ELK3: variants seen among roughly 807,000 people sequenced by gnomAD.
ELK3 encodes ETS transcription factor ELK3.
Under a neutral mutation model 28.9 loss-of-function variants are expected in ELK3, and 10 were observed. The ratio of observed to expected loss-of-function variants is 0.35; its 90% CI spans 0.21 to 0.59. The LOEUF is 0.59. Among genes scored for constraint, ELK3 ranks in the 20% least tolerant of loss-of-function variants. The pLI, the probability that ELK3 is intolerant of heterozygous loss-of-function variation, is 0.82. For synonymous variants in ELK3, 272 were observed against 243.5 expected (o/e 1.12, Z -1.09); for missense variants, 463 against 517.3 (o/e 0.90, Z 1.02).
At position 96,247,868 on chromosome 12, in the gene ELK3, G is replaced by A; in HGVS notation, c.1002+134G>A. 4 of 1,162,194 alleles carry A rather than the reference G, an allele frequency of 3.4e-6. No individual in the cohort carries two copies. Among genetic ancestry groups the A allele is most frequent in the Non-Finnish European group, 4.7e-6 (4 of 858,048 alleles). The allele number at this position is 1,162,194 out of a possible 1,614,324, so 72.0% of individuals were successfully genotyped here. A position where few individuals can be genotyped will look rare whatever the true frequency, so the allele number is the denominator to read the frequency against. On this transcript the variant is annotated intron_variant, in intron 3 of 4. Coordinates refer to ENST00000228741, the MANE Select transcript of ELK3 (RefSeq NM_005230.4). This position sits in a 1 kb window ranked among gnomAD's most constrained non-coding sequence, Gnocchi z 5.5. ...CTCGTACCGAGGTCACTGTGTAAAT[G>A]TGAAGGGAAGCTGCTTTTCCATCCT...
intron 1 of ELK3, among the ~76,000 whole-genome samples, chr12:96,219,780 A>C (rs780817310): frequency 1.3e-5 from 2 of 152,164 alleles, no homozygotes; most frequent in Non-Finnish European, 2.9e-5. Flanking sequence ...GCTCACAGGA[A>C]AGTAGTTTTT....
intron 2 of ELK3, among the ~76,000 whole-genome samples, chr12:96,234,428 GA>G (rs1442374093): frequency 6.6e-6 from 1 of 152,110 alleles, no homozygotes; most frequent in Non-Finnish European, 1.5e-5. Context: ...TGAGCTGCAG[GA>G]AAATTTAGTG....
chr12:96,235,118 C>G (rs1951771908), intron 2 of ELK3, among the ~76,000 whole-genome samples: 3 of 152,088 alleles, frequency 2.0e-5, no homozygotes, highest in Admixed American at 1.3e-4. Flanking sequence ...GTGTGCGCCT[C>G]CCAGCTCTCG....
chr12:96,215,336 C>T (rs1429220265), intron 1 of ELK3, among the ~76,000 whole-genome samples: 1 of 152,122 alleles, frequency 6.6e-6, no homozygotes, highest in African/African-American at 2.4e-5. Context: ...GTCTGTGCGG[C>T]CCTTGCTCAC....
intron 3 of ELK3, among the ~76,000 whole-genome samples, chr12:96,248,867 T>C (rs1951880058): frequency 2.0e-5 from 3 of 152,226 alleles, no homozygotes; most frequent in South Asian, 2.1e-4. Context: ...GTTTCCAAAA[T>C]GCTTGTGACC....
At chr12:96,197,683 T>C (rs1405774568) in intron 1 of ELK3, among the ~76,000 whole-genome samples, 1 of 152,192 alleles carries the variant, frequency 6.6e-6, no homozygotes, top group African/African-American at 2.4e-5. Context: ...ACCAATGCTG[T>C]TGAGACCAGA....
chr12:96,240,590 C>T (rs1211014123), intron 2 of ELK3, among the ~76,000 whole-genome samples: 1 of 152,176 alleles, frequency 6.6e-6, no homozygotes, highest in African/African-American at 2.4e-5. Context: ...GAAAGGTCCC[C>T]TGCTCTGTCC....
In ELK3 at chr12:96,242,720, C is replaced by T. The variant is rs139768455; in HGVS notation, c.208-4220C>T. On this transcript the variant is annotated intron_variant, in intron 2 of 4. Coordinates refer to ENST00000228741, the MANE Select transcript of ELK3 (RefSeq NM_005230.4). ...GCTCCCCTCGTCTAGCAGATGTCCC[C>T]GGTGCTGAGTCACTGGGCTGCACTG... is the stretch of plus-strand genomic sequence containing the variant. Among the ~76,000 whole-genome samples the T allele has an allele frequency of 4.9e-4, 75 of 152,276 alleles. 1 individual carries two copies. Among genetic ancestry groups the T allele is most frequent in the African/African-American group, 1.4e-3 (59 of 41,558 alleles).
At position 96,247,516 on chromosome 12, in the gene ELK3, G is replaced by A. The variant is rs1565789360; in HGVS notation, c.784G>A (p.Glu262Lys). The A allele has an allele frequency of 1.2e-6, 2 of 1,613,686 alleles. No individual in the cohort carries two copies. Among genetic ancestry groups the A allele is most frequent in the African/African-American group, 1.3e-5 (1 of 74,806 alleles). Reference protein sequence around the residue: ...LPSEHRSLFLEAACHDSDSLE... With the variant: ...LPSEHRSLFLKAACHDSDSLE... ...TTCTGAACACAGAAGCCTCTTCCTG[G>A]AGGCCGCCTGCCATGACTCCGATTC... is the stretch of plus-strand genomic sequence containing the variant. The change falls in exon 3 of 5, where the codon GAG becomes AAG. Residue 262 changes from glutamate (E) to lysine (K), a missense_variant. Physicochemically the swap from Glu to Lys is moderately conservative, Grantham distance 56. Around this residue, in one of 2 missense-constraint regions of ELK3, gnomAD observed 408 missense variants for 414.8 expected, o/e 0.98. Coordinates refer to ENST00000228741, the MANE Select transcript of ELK3 (RefSeq NM_005230.4). The surrounding 1 kb of genome is among the most constrained non-coding windows in gnomAD (Gnocchi z 5.5).
intron 2 of ELK3, among the ~76,000 whole-genome samples, chr12:96,245,811 T>C (rs1035983723): frequency 1.6e-4 from 24 of 152,308 alleles, no homozygotes; most frequent in African/African-American, 5.8e-4. Flanking sequence ...AAGAACAGCA[T>C]AGCCTTTAAT....
chr12:96,223,519 T>C (rs200850198), intron 1 of ELK3, 46 bp from the exon 2 acceptor site: 4 of 1,600,978 alleles, frequency 2.5e-6, no homozygotes, highest in African/African-American at 2.7e-5. Flanking sequence ...CCAAGTTTGG[T>C]CGGCATCGTG....
chr12:96,258,942 G>A (rs1951971878), intron 3 of ELK3, among the ~76,000 whole-genome samples: 1 of 152,190 alleles, frequency 6.6e-6, no homozygotes, highest in South Asian at 2.1e-4. Context: ...CTGCTACAGG[G>A]TATTTTAACA....
rs1027548439 is a variant in ELK3, at chr12:96,249,379, G to A, written c.1002+1645G>A. Among the ~76,000 whole-genome samples, 4 of 152,162 alleles carry A rather than the reference G, an allele frequency of 2.6e-5. No homozygotes were observed. The South Asian group carries it at 8.3e-4, about 31-fold the overall frequency. ...CAAGCCTGTGAGCTGGTGGTGACGC[G>A]CGCCACTGCGGAGGGGGAGGGCCAG... On this transcript the variant is annotated intron_variant, in intron 3 of 4. Coordinates refer to ENST00000228741, the MANE Select transcript of ELK3 (RefSeq NM_005230.4).
rs957266072 is a variant in ELK3, at chr12:96,267,539, C to CTT, written c.*360_*361dup. The CTT allele has an allele frequency of 1.2e-5, 2 of 163,276 alleles. No individual in the cohort carries two copies. The highest frequency in any genetic ancestry group is 4.8e-5 in the African/African-American group (2 of 41,622). The allele number at this position is 163,276 out of a possible 1,614,324, so 10.1% of individuals were successfully genotyped here. On this transcript the variant is annotated 3_prime_UTR_variant, in exon 5 of 5. Coordinates refer to ENST00000228741, the MANE Select transcript of ELK3 (RefSeq NM_005230.4). ...AGTTCTGAGTATGCTAAACTGTGTG[C>CTT]TTATATAGACTATAACCAGTTGTGC...
chr12:96,262,099 A>G (rs373907703), intron 4 of ELK3, among the ~76,000 whole-genome samples: 212 of 150,204 alleles, frequency 1.4e-3, no homozygotes, highest in African/African-American at 4.8e-3. Flanking sequence ...GCTCACTGCA[A>G]TTTCCACCTC....
intron 1 of ELK3, among the ~76,000 whole-genome samples, chr12:96,199,288 T>C (rs925102372): frequency 6.6e-6 from 1 of 152,222 alleles, no homozygotes; most frequent in Non-Finnish European, 1.5e-5. Context: ...CTCCTATTAC[T>C]GTTTCATTTT....
intron 1 of ELK3, 23 bp from the exon 2 acceptor site, chr12:96,223,542 G>A: frequency 4.3e-6 from 7 of 1,613,190 alleles, no homozygotes; most frequent in Non-Finnish European, 4.2e-6. Context: ...CAGCAGCTCT[G>A]ACCTGGCCTC....
At chr12:96,263,923 T>C (rs570014191) in intron 4 of ELK3, among the ~76,000 whole-genome samples, 9 of 152,244 alleles carry the variant, frequency 5.9e-5, no homozygotes, top group Admixed American at 1.3e-4. Flanking sequence ...ATCACTGATA[T>C]TAGTGTGGAG....
intron 1 of ELK3, among the ~76,000 whole-genome samples, chr12:96,213,366 A>G (rs989384299): frequency 6.6e-6 from 1 of 152,210 alleles, no homozygotes; most frequent in African/African-American, 2.4e-5. Flanking sequence ...GTTAGGGATC[A>G]AGAGGTACCC....
Sources: gnomAD v4.1 joint callset for allele counts (sites outside exome capture counted in the v4.1 genomes callset) on GRCh38, gnomAD v4.1.1 for gene constraint, gnomAD v4.1.1 regional missense constraint, Gnocchi (gnomAD v3.1) non-coding constraint, MANE v1.5 for transcripts, NCBI Gene and HGNC (gene_info 2026-07-23, HGNC 2026-07-21) for gene names.